The following YWHAQ variants were observed in gnomAD, a reference collection of about 807,000 sequenced individuals.
The protein encoded by YWHAQ is tyrosine 3-monooxygenase/tryptophan 5-monooxygenase activation protein theta.
A neutral mutation model predicts 28.3 loss-of-function variants in YWHAQ; 6 were observed. The observed-to-expected ratio is 0.21, with a 90% CI of 0.12 to 0.42. The LOEUF (loss-of-function observed/expected upper bound fraction) is 0.42, where lower values mean the gene tolerates loss of function less well. Ranked by LOEUF, YWHAQ falls within the 10% of genes least tolerant of loss-of-function variation. The pLI, the probability that YWHAQ is intolerant of heterozygous loss-of-function variation, is 1.00. For synonymous variants in YWHAQ, 143 were observed against 119.1 expected, an observed-to-expected ratio of 1.20 and a Z score of -1.31; for missense variants, 201 against 305.6, an observed-to-expected ratio of 0.66 and a Z score of 2.55.
Position 9,597,985 on chromosome 2 carries a change from A to ATTTTTTTTTTTTTTT in YWHAQ, c.295-6485_295-6471dup, listed in dbSNP as rs547582835. ...CAGGCATGCACCACCATGCCGGGCT[A>ATTTTTTTTTTTTTTT]TTTTTTTTTTTTTTTTTTTTTTTTT... On this transcript the variant is annotated intron_variant, in intron 2 of 5. Coordinates refer to ENST00000238081, the MANE Select transcript of YWHAQ (RefSeq NM_006826.4). 4.5e-4 allele frequency among the ~76,000 whole-genome samples: 28 copies of ATTTTTTTTTTTTTTT among 62,468 alleles called. 3 individuals are homozygous for ATTTTTTTTTTTTTTT. Among genetic ancestry groups the ATTTTTTTTTTTTTTT allele is most frequent in the Admixed American group, 8.2e-4 (4 of 4,858 alleles). The allele number at this position is 62,468 out of a possible 152,430, so 41.0% of individuals were successfully genotyped here.
intron 2 of YWHAQ, among the ~76,000 whole-genome samples, chr2:9,624,644 G>C (rs908743947): frequency 6.6e-6 from 1 of 152,080 alleles, no homozygotes; most frequent in East Asian, 1.9e-4. Flanking sequence ...TAACCCAAAA[G>C]GTCTCCAGAT....
chr2:9,608,127 A>C (rs1161811683), intron 2 of YWHAQ, among the ~76,000 whole-genome samples: 1 of 152,212 alleles, frequency 6.6e-6, no homozygotes, highest in Non-Finnish European at 1.5e-5. Flanking sequence ...AGATTCACAG[A>C]AACATGACTT....
At chr2:9,616,863 A>C (rs1156517714) in intron 2 of YWHAQ, among the ~76,000 whole-genome samples, 1 of 152,234 alleles carries the variant, frequency 6.6e-6, no homozygotes, top group African/African-American at 2.4e-5. Context: ...GCCCAAGCAA[A>C]TTCTCACAGC....
At chr2:9,618,471 T>C (rs1667077274) in intron 2 of YWHAQ, among the ~76,000 whole-genome samples, 1 of 152,190 alleles carries the variant, frequency 6.6e-6, no homozygotes, top group African/African-American at 2.4e-5. Context: ...ACTATGACTT[T>C]TCAATATATG....
intron 2 of YWHAQ, among the ~76,000 whole-genome samples, chr2:9,622,977 T>C (rs1667170699): frequency 6.6e-6 from 1 of 152,206 alleles, no homozygotes; most frequent in Non-Finnish European, 1.5e-5. Flanking sequence ...TTGGAAAGGA[T>C]TAGTGTTAAA....
At chr2:9,611,842 CG>C (rs1558548298) in intron 2 of YWHAQ, among the ~76,000 whole-genome samples, 2 of 152,072 alleles carry the variant, frequency 1.3e-5, no homozygotes, top group African/African-American at 4.8e-5. Flanking sequence ...AGCTAATTTT[CG>C]TATTTTTAGC....
rs567163039 is a variant in YWHAQ, at chr2:9,602,271, T to TA, written c.295-10757dup. Among the ~76,000 whole-genome samples, 284 of 151,878 alleles carry TA rather than the reference T, an allele frequency of 1.9e-3. 1 individual carries two copies. Among genetic ancestry groups the TA allele is most frequent in the African/African-American group, 6.6e-3 (274 of 41,420 alleles). ...GCATGATCTTGTCTCTACCAAAAAT[T>TA]AAAAAATTAGCCAGGCATGGTGCCT... On this transcript the variant is annotated intron_variant, in intron 2 of 5. Transcript: ENST00000238081.
At chr2:9,614,185 A>G (rs1305886863) in intron 2 of YWHAQ, among the ~76,000 whole-genome samples, 1 of 152,236 alleles carries the variant, frequency 6.6e-6, no homozygotes, top group East Asian at 1.9e-4. Flanking sequence ...CAGGTTTGGA[A>G]GAAAAGTTTA....
chr2:9,593,992 C>T (rs1000854001), intron 2 of YWHAQ, among the ~76,000 whole-genome samples: 1 of 150,718 alleles, frequency 6.6e-6, no homozygotes, highest in Non-Finnish European at 1.5e-5. Flanking sequence ...CACACACACA[C>T]ACACACACGC....
intron 2 of YWHAQ, among the ~76,000 whole-genome samples, chr2:9,627,019 A>C (rs962038455): frequency 1.3e-5 from 2 of 152,256 alleles, no homozygotes; most frequent in African/African-American, 4.8e-5. Context: ...TGACACTGAG[A>C]GACAGCTCTA....
chr2:9,597,634 C>CAAAAAAAAAAAAAAAAA (rs562319001), intron 2 of YWHAQ, among the ~76,000 whole-genome samples: 1 of 75,320 alleles, frequency 1.3e-5, no homozygotes. Context: ...AACTCCGTCT[C>CAAAAAAAAAAAAAAAAA]AAAAAAAAAA....
chr2:9,605,911 C>T (rs1476065629), intron 2 of YWHAQ, among the ~76,000 whole-genome samples: 1 of 152,078 alleles, frequency 6.6e-6, no homozygotes, highest in African/African-American at 2.4e-5. Context: ...TATGTATGTT[C>T]CCCTCTCCCT....
At chr2:9,587,179 T>C (rs1382995547) in intron 5 of YWHAQ, among the ~76,000 whole-genome samples, 6 of 152,198 alleles carry the variant, frequency 3.9e-5, no homozygotes, top group Admixed American at 6.5e-5. Context: ...CCCAATGAAA[T>C]AGTAATATTA....
At chr2:9,628,942 C>T (rs1167453622) in intron 2 of YWHAQ, 1 of 151,102 alleles carries the variant, frequency 6.6e-6, no homozygotes, top group Non-Finnish European at 1.5e-5. Context: ...GATCGCCTGT[C>T]ATCGTATTAG....
In YWHAQ at chr2:9,588,338, G is replaced by C. The variant is rs1489098667; in HGVS notation, c.419-10C>G. ...GAATTATCTATCGTTTCTGTGAAGA[G>C]CGAAAAATAAGAAGTGCAATATTAA... On this transcript the variant is annotated splice_polypyrimidine_tract_variant and intron_variant, in intron 3 of 5. Transcript: ENST00000238081. 1 of 1,601,828 alleles carries C rather than the reference G, an allele frequency of 6.2e-7. No individual in the cohort carries two copies. The highest frequency in any genetic ancestry group is 1.4e-5 in the African/African-American group (1 of 73,792).
intron 5 of YWHAQ, among the ~76,000 whole-genome samples, chr2:9,586,365 T>C (rs1162590659): frequency 1.3e-5 from 2 of 152,228 alleles, no homozygotes; most frequent in African/African-American, 2.4e-5. Context: ...TTAGTGTTAA[T>C]TTCAGAAAAG....
rs1444517962 is a variant in YWHAQ, at chr2:9,587,467, C to A, written c.625G>T (p.Asp209Tyr). 1.2e-6 allele frequency: 2 copies of A among 1,610,940 alleles called. No individual in the cohort carries two copies. Among genetic ancestry groups the A allele is most frequent in the Non-Finnish European group, 1.7e-6 (2 of 1,178,156 alleles). ...ATGAGGGTGCTGTCTTTGTATGAGTCTTCATTCAGTGTATCAAGTTCAGCA... is the reference window on the plus strand; with the variant it reads ...ATGAGGGTGCTGTCTTTGTATGAGTATTCATTCAGTGTATCAAGTTCAGCA... ...AIAELDTLNEDSYKDSTLIMQ... is the reference protein window; with the variant it reads ...AIAELDTLNEYSYKDSTLIMQ... Residue 209 changes from aspartate (D) to tyrosine (Y), a missense_variant, in exon 5 of 6, where the codon GAC (aspartate) becomes TAC (tyrosine). By Grantham distance (160) the Asp-to-Tyr change is radical (BLOSUM62 -3). This residue lies in a region of YWHAQ where 39 missense variants were observed against 91.7 expected (regional missense o/e 0.43). Coordinates refer to ENST00000238081, the MANE Select transcript of YWHAQ (RefSeq NM_006826.4).
At chr2:9,593,852 GA>G (rs1666508316) in intron 2 of YWHAQ, among the ~76,000 whole-genome samples, 1 of 143,482 alleles carries the variant, frequency 7.0e-6, no homozygotes, top group Non-Finnish European at 1.5e-5. Flanking sequence ...AAAAAAACCA[GA>G]AAAACATTAA....
At position 9,588,308 on chromosome 2, in the gene YWHAQ, C is replaced by G. The variant is rs774221614; in HGVS notation, c.439G>C (p.Gly147Arg). The G allele has an allele frequency of 1.2e-6, 2 of 1,608,554 alleles. No homozygotes were observed. Among genetic ancestry groups the G allele is most frequent in the Non-Finnish European group, 8.5e-7 (1 of 1,178,746 alleles). Residue 147 changes from glycine (G) to arginine (R), a missense_variant, in exon 4 of 6, where the codon GGA becomes CGA. This residue lies in a region of YWHAQ where 162 missense variants were observed against 213.9 expected (regional missense o/e 0.76). Transcript: ENST00000238081. ...ATATCAAATGCCTCTTGGTAAGCTC[C>G]TTGGGAATTATCTATCGTTTCTGTG... ...DRKQTIDNSQ[G>R]AYQEAFDISK...
Sources: allele counts gnomAD v4.1 joint callset (sites outside exome capture counted in the v4.1 genomes callset), GRCh38; gene constraint gnomAD v4.1.1; regional missense constraint gnomAD v4.1.1; transcripts MANE v1.5; gene names NCBI Gene and HGNC (gene_info 2026-07-23, HGNC 2026-07-21).